IFT56: variants seen among roughly 807,000 people sequenced by gnomAD.
The protein encoded by IFT56 is intraflagellar transport 56.
At chr7:139,165,177 C>T in the IFT56 span, 1 of 1,613,734 alleles carries the variant, frequency 6.2e-7, no homozygotes, top group South Asian at 1.1e-5. Flanking sequence ...TTTACCTCCC[C>T]TAGTTGATGT....
the IFT56 span, among the ~76,000 whole-genome samples, chr7:139,188,072 GT>G: frequency 6.8e-6 from 1 of 147,234 alleles, no homozygotes; most frequent in Non-Finnish European, 1.5e-5. Context: ...AAATTCAGTG[GT>G]TTATACTTTT....
the IFT56 span, chr7:139,189,328 C>A: frequency 1.2e-6 from 2 of 1,605,012 alleles, no homozygotes; most frequent in Non-Finnish European, 8.5e-7. Context: ...CAGAGAGACC[C>A]TTCGAGAAGT....
At chr7:139,172,062 T>G in the IFT56 span, among the ~76,000 whole-genome samples, 1 of 151,826 alleles carries the variant, frequency 6.6e-6, no homozygotes, top group Non-Finnish European at 1.5e-5. Context: ...CTTTGTGGTT[T>G]CCAAGTACAA....
chr7:139,137,187 C>T, the IFT56 span, among the ~76,000 whole-genome samples: 1 of 152,134 alleles, frequency 6.6e-6, no homozygotes, highest in Non-Finnish European at 1.5e-5. Flanking sequence ...GTCAAGGTCT[C>T]AGTCTTTTCC....
the IFT56 span, among the ~76,000 whole-genome samples, chr7:139,141,130 G>A: frequency 2.6e-5 from 4 of 151,442 alleles, no homozygotes; most frequent in African/African-American, 4.9e-5. Context: ...GCGTGGTGGC[G>A]GGCGCCTGTA....
chr7:139,190,080 G>GA, the IFT56 span: 1 of 152,098 alleles, frequency 6.6e-6, no homozygotes, highest in Non-Finnish European at 1.5e-5. Context: ...TGAGTACTAT[G>GA]AAAAAAATTG....
the IFT56 span, among the ~76,000 whole-genome samples, chr7:139,136,680 G>C: frequency 6.6e-6 from 1 of 152,120 alleles, no homozygotes; most frequent in Admixed American, 6.5e-5. Context: ...TGTTGCCCAG[G>C]CTGGTCTTGA....
At chr7:139,139,137 A>G in the IFT56 span, among the ~76,000 whole-genome samples, 2 of 152,180 alleles carry the variant, frequency 1.3e-5, no homozygotes, top group Admixed American at 6.5e-5. Context: ...TCTCATTCCC[A>G]AGATGTAATC....
the IFT56 span, chr7:139,133,977 C>T: frequency 7.8e-7 from 1 of 1,284,144 alleles, no homozygotes; most frequent in Middle Eastern, 1.9e-4. Flanking sequence ...TAATCCCCAG[C>T]TCTCCCTGTG....
At chr7:139,141,617 A>C in the IFT56 span, among the ~76,000 whole-genome samples, 2 of 152,070 alleles carry the variant, frequency 1.3e-5, no homozygotes, top group Admixed American at 6.6e-5. Flanking sequence ...TTTTTTTCTT[A>C]TACATTGAAG....
At chr7:139,187,100 CAA>C in the IFT56 span, among the ~76,000 whole-genome samples, 6 of 51,622 alleles carry the variant, frequency 1.2e-4, no homozygotes, top group East Asian at 3.1e-3. Context: ...GACTCCGTCT[CAA>C]AAAAAAAAAA....
chr7:139,186,479 G>A, the IFT56 span, among the ~76,000 whole-genome samples: 1 of 151,138 alleles, frequency 6.6e-6, no homozygotes, highest in South Asian at 2.1e-4. Flanking sequence ...ACTAATCTAA[G>A]CAAAATTTAA....
At chr7:139,187,528 G>C in the IFT56 span, 1 of 1,614,100 alleles carries the variant, frequency 6.2e-7, no homozygotes, top group Admixed American at 1.7e-5. Context: ...TCATAGCTGG[G>C]AGAGAACCCA....
the IFT56 span, among the ~76,000 whole-genome samples, chr7:139,159,507 T>C: frequency 1.3e-5 from 2 of 152,240 alleles, no homozygotes; most frequent in Non-Finnish European, 2.9e-5. Flanking sequence ...TGTAGCTCTT[T>C]AGCAGTTCCT....
At chr7:139,180,165 A>G in the IFT56 span, among the ~76,000 whole-genome samples, 3 of 150,138 alleles carry the variant, frequency 2.0e-5, no homozygotes, top group Non-Finnish European at 3.0e-5. Flanking sequence ...GTGAAACCCC[A>G]TCTCTACTAA....
the IFT56 span, chr7:139,139,804 A>G: frequency 3.7e-6 from 3 of 809,140 alleles, no homozygotes; most frequent in Admixed American, 7.2e-5. Context: ...GCTTAATCTC[A>G]GTATGAAATC....
chr7:139,189,606 G>T, the IFT56 span: 1 of 546,722 alleles, frequency 1.8e-6, no homozygotes, highest in South Asian at 2.5e-5. Context: ...TGGCTGAACA[G>T]AGTGCCATAG....
the IFT56 span, among the ~76,000 whole-genome samples, chr7:139,171,854 A>T: frequency 5.9e-5 from 9 of 152,210 alleles, no homozygotes; most frequent in Non-Finnish European, 1.3e-4. Flanking sequence ...TAGATCACCA[A>T]AACTAACATT....
chr7:139,153,820 T>G, the IFT56 span, among the ~76,000 whole-genome samples: 1 of 152,340 alleles, frequency 6.6e-6, no homozygotes, highest in East Asian at 1.9e-4. Context: ...AGTTTTTGTT[T>G]GTATGTATGT....
Sources: allele counts gnomAD v4.1 joint callset (sites outside exome capture counted in the v4.1 genomes callset), GRCh38; gene constraint gnomAD v4.1.1; transcripts MANE v1.5; gene names NCBI Gene and HGNC (gene_info 2026-07-23, HGNC 2026-07-21).